SLC11A2: variants seen among roughly 807,000 people sequenced by gnomAD.
SLC11A2 encodes the protein solute carrier family 11 member 2.
In SLC11A2, 38 loss-of-function variants were observed where a neutral mutation model predicts 68.0. That is an observed-to-expected ratio of 0.56 (90% CI 0.43 to 0.73). SLC11A2 has a LOEUF of 0.73. SLC11A2 is among the 30% of genes least tolerant of loss of function. SLC11A2 has a pLI of 0.00. For missense variants in SLC11A2, 517 were observed against 690.5 expected (o/e 0.75, Z 2.82); for synonymous variants, 242 against 250.6 (o/e 0.97, Z 0.32).
At chr12:50,970,949 G>A in the SLC11A2 span, among the ~76,000 whole-genome samples, 17 of 151,878 alleles carry the variant, frequency 1.1e-4, no homozygotes, top group Admixed American at 7.2e-4. Flanking sequence ...TATAATCTCC[G>A]CTCACCGCAA....
intron 8 of SLC11A2, among the ~76,000 whole-genome samples, chr12:50,997,894 A>T (rs1941864326): frequency 6.6e-6 from 1 of 151,528 alleles, no homozygotes; most frequent in South Asian, 2.1e-4. Context: ...AGGCTGAGGC[A>T]GGAGAATCGC....
At position 51,005,343 on chromosome 12, in the gene SLC11A2, C is replaced by T. The variant is rs562530554; in HGVS notation, c.277G>A (p.Asp93Asn). 2.0e-5 allele frequency: 33 copies of T among 1,613,898 alleles called. No homozygotes were observed. The East Asian group carries it at 4.2e-4, about 21-fold the overall frequency. Residue 93 changes from aspartate (D) to asparagine (N), a missense_variant, in exon 4 of 16, where the codon GAT becomes AAT. Physicochemically the swap from Asp to Asn is conservative, Grantham distance 23 (BLOSUM62 1). Coordinates refer to ENST00000262052, the MANE Select transcript of SLC11A2 (RefSeq NM_000617.3). ...CCAGCCACTGCTCCAGACTGCAAAT[C>T]GGATTCAATATTTCCTGGATCCAGG... ...AYLDPGNIES[D>N]LQSGAVAGFK... is the part of the protein sequence containing the mutation.
the SLC11A2 span, among the ~76,000 whole-genome samples, chr12:50,953,765 C>T: frequency 6.7e-6 from 1 of 150,144 alleles, no homozygotes; most frequent in African/African-American, 2.4e-5. Context: ...TTCATGAAAT[C>T]TGATTATCAT....
the SLC11A2 span, among the ~76,000 whole-genome samples, chr12:50,958,768 G>A: frequency 5.3e-5 from 8 of 150,252 alleles, no homozygotes; most frequent in Admixed American, 3.3e-4. Context: ...TGTAATCCCA[G>A]CACTTCAGGA....
chr12:50,983,403 C>T (rs1204552266), downstream of SLC11A2, among the ~76,000 whole-genome samples: 1 of 152,172 alleles, frequency 6.6e-6, no homozygotes, highest in African/African-American at 2.4e-5. Context: ...GCAACTATCC[C>T]TATTTTAGTG....
rs982888738 is a variant in SLC11A2, at chr12:50,990,740, C to A, written c.1575+55G>T. The A allele has an allele frequency of 3.2e-6, 5 of 1,581,018 alleles. No homozygotes were observed. The African/African-American group carries it at 5.4e-5, about 17-fold the overall frequency. ...CTGTTCATTTCTGAATGTCAGTGAACCCCACCTCAACCATCCCTGATACCT... is the reference window on the plus strand; with the variant it reads ...CTGTTCATTTCTGAATGTCAGTGAAACCCACCTCAACCATCCCTGATACCT... On this transcript the variant is annotated intron_variant, in intron 15 of 15. Coordinates refer to ENST00000262052, the MANE Select transcript of SLC11A2 (RefSeq NM_000617.3).
chr12:50,983,406 T>C (rs919153531), downstream of SLC11A2, among the ~76,000 whole-genome samples: 2 of 152,198 alleles, frequency 1.3e-5, no homozygotes, highest in African/African-American at 2.4e-5. Flanking sequence ...ACTATCCCTA[T>C]TTTAGTGTAA....
chr12:50,952,746 C>T, the SLC11A2 span, among the ~76,000 whole-genome samples: 1 of 152,206 alleles, frequency 6.6e-6, no homozygotes, highest in Admixed American at 6.5e-5. Context: ...TCGCCTCAGC[C>T]GGAGATTCCA....
At chr12:50,961,228 T>C in the SLC11A2 span, 2 of 983,904 alleles carry the variant, frequency 2.0e-6, no homozygotes, top group Non-Finnish European at 3.0e-6. Context: ...TAGGAAAGAC[T>C]GATCTTCCCT....
intron 1 of SLC11A2, among the ~76,000 whole-genome samples, chr12:51,019,605 A>C (rs1264179513): frequency 6.6e-6 from 1 of 151,624 alleles, no homozygotes; most frequent in Non-Finnish European, 1.5e-5. Flanking sequence ...GGTCATGAAG[A>C]AGCAGCATTT....
chr12:50,986,810 A>C lies in SLC11A2; in HGVS notation c.*1515T>G, dbSNP rs1248979459. The C allele has an allele frequency of 4.7e-6, 6 of 1,287,178 alleles. No individual in the cohort carries two copies. Among genetic ancestry groups the C allele is most frequent in the Non-Finnish European group, 6.1e-6 (6 of 988,674 alleles). 79.7% of individuals were successfully genotyped at this position (1,287,178 alleles called of 1,614,324 possible). A position where few individuals can be genotyped will look rare whatever the true frequency, so the allele number is the denominator to read the frequency against. On this transcript the variant is annotated 3_prime_UTR_variant, in exon 16 of 16. Transcript: ENST00000262052. ...AGTGAAACACAGTAGTGTACCCTTA[A>C]ATGCCTTATAAAAGACCATCCATCC...
At chr12:50,961,248 T>C in the SLC11A2 span, 1 of 872,664 alleles carries the variant, frequency 1.1e-6, no homozygotes, top group Non-Finnish European at 1.7e-6. Flanking sequence ...TTAGTTGAGG[T>C]TGTGGCCCAG....
intron 8 of SLC11A2, among the ~76,000 whole-genome samples, 155 bp from the exon 9 acceptor site, chr12:50,997,127 G>C (rs999109861): frequency 1.3e-5 from 2 of 152,018 alleles, no homozygotes; most frequent in African/African-American, 4.8e-5. Context: ...ACCCAGGCTG[G>C]AATGCAGTGG....
At chr12:51,026,408 G>A, upstream of SLC11A2, 1 of 1,252,268 alleles carries the variant, frequency 8.0e-7, no homozygotes, top group South Asian at 1.3e-5. Context: ...CCCTCCCCGC[G>A]ATTGGTCGAC....
At chr12:51,017,211 A>T (rs997536891) in intron 1 of SLC11A2, among the ~76,000 whole-genome samples, 2 of 152,200 alleles carry the variant, frequency 1.3e-5, no homozygotes, top group African/African-American at 4.8e-5. Flanking sequence ...TGTTTGTAGT[A>T]TGAAAAGACT....
chr12:51,011,211 C>G (rs1943192464), intron 1 of SLC11A2, among the ~76,000 whole-genome samples: 1 of 151,954 alleles, frequency 6.6e-6, no homozygotes, highest in African/African-American at 2.4e-5. Context: ...TCACTGCAAC[C>G]TCTGCCTCCT....
At chr12:51,020,649 A>T (rs1943979032) in intron 1 of SLC11A2, among the ~76,000 whole-genome samples, 1 of 152,148 alleles carries the variant, frequency 6.6e-6, no homozygotes, top group South Asian at 2.1e-4. Flanking sequence ...AGGCCTCTGT[A>T]ACCCTGGGTT....
downstream of SLC11A2, chr12:50,981,805 T>A (rs1188165323): frequency 4.7e-6 from 7 of 1,504,440 alleles, no homozygotes; most frequent in Admixed American, 6.6e-5. Context: ...CAGATGGCAC[T>A]AAGGAAAAAA....
the SLC11A2 span, among the ~76,000 whole-genome samples, chr12:50,952,380 A>C: frequency 1.3e-5 from 2 of 152,190 alleles, no homozygotes; most frequent in Non-Finnish European, 2.9e-5. Context: ...GAAATTATTT[A>C]AACATTAAGT....
Sources: gnomAD v4.1 joint callset for allele counts (sites outside exome capture counted in the v4.1 genomes callset) on GRCh38, gnomAD v4.1.1 for gene constraint, MANE v1.5 for transcripts, NCBI Gene and HGNC (gene_info 2026-07-23, HGNC 2026-07-21) for gene names.